The following GRM5 variants were observed in gnomAD, a reference collection of about 807,000 sequenced individuals.
GRM5 encodes the protein metabotropic glutamate receptor 5.
A neutral mutation model predicts 83.1 loss-of-function variants in GRM5; 19 were observed. The ratio of observed to expected loss-of-function variants is 0.23; its 90% CI spans 0.16 to 0.34. GRM5 has a LOEUF of 0.34. Ranked by LOEUF, GRM5 falls within the 10% of genes least tolerant of loss-of-function variation. GRM5 has a pLI of 1.00. For synonymous variants in GRM5, 675 were observed against 633.6 expected (o/e 1.07, Z -0.98); for missense variants, 1,160 against 1,588.3 (o/e 0.73, Z 4.58).
intron 3 of GRM5, among the ~76,000 whole-genome samples, chr11:88,724,767 C>T (rs190959817): frequency 2.6e-5 from 4 of 151,992 alleles, no homozygotes; most frequent in African/African-American, 7.2e-5. Context: ...TGAGCTGAAG[C>T]AGGGTGGGGC....
intron 3 of GRM5, among the ~76,000 whole-genome samples, chr11:88,692,631 C>G (rs1030554501): frequency 3.3e-5 from 5 of 152,208 alleles, no homozygotes; most frequent in African/African-American, 4.8e-5. Context: ...TTCAGAAAAA[C>G]TGTCATGTTC....
At chr11:88,713,996 A>C (rs547980891) in intron 3 of GRM5, among the ~76,000 whole-genome samples, 1 of 152,164 alleles carries the variant, frequency 6.6e-6, no homozygotes, top group South Asian at 2.1e-4. Flanking sequence ...TATGAATCTT[A>C]TGGGCTATAA....
At chr11:88,589,424 G>C (rs1188880995) in intron 7 of GRM5, among the ~76,000 whole-genome samples, 1 of 151,714 alleles carries the variant, frequency 6.6e-6, no homozygotes, top group Non-Finnish European at 1.5e-5. Flanking sequence ...TTTTTTTTAA[G>C]AAAAGGAAAA....
At chr11:88,568,265 T>G (rs182828235) in intron 7 of GRM5, among the ~76,000 whole-genome samples, 124 of 152,180 alleles carry the variant, frequency 8.1e-4, no homozygotes, top group Middle Eastern at 6.8e-3. Flanking sequence ...TAAAAAAAAA[T>G]CAGTGGCCTT....
chr11:89,056,484 T>C (rs1565354673), intron 1 of GRM5, among the ~76,000 whole-genome samples: 1 of 152,298 alleles, frequency 6.6e-6, no homozygotes, highest in Non-Finnish European at 1.5e-5. Flanking sequence ...GTAAAGAGCC[T>C]TTTTTCATTC....
At chr11:89,016,468 A>G (rs1350745041) in intron 2 of GRM5, among the ~76,000 whole-genome samples, 1 of 152,124 alleles carries the variant, frequency 6.6e-6, no homozygotes, top group Non-Finnish European at 1.5e-5. Flanking sequence ...ATAGTCTTAT[A>G]GAAAGAAATT....
At chr11:88,900,169 G>T (rs1350780708) in intron 2 of GRM5, among the ~76,000 whole-genome samples, 1 of 152,032 alleles carries the variant, frequency 6.6e-6, no homozygotes. Context: ...AACCATAAAT[G>T]CAGAACTACA....
At chr11:89,017,092 A>G (rs1253421945) in intron 2 of GRM5, among the ~76,000 whole-genome samples, 1 of 152,182 alleles carries the variant, frequency 6.6e-6, no homozygotes, top group Non-Finnish European at 1.5e-5. Flanking sequence ...AAGCCCTTCC[A>G]AACTTTAACA....
chr11:88,769,250 G>A (rs1476235378), intron 3 of GRM5, among the ~76,000 whole-genome samples: 1 of 152,032 alleles, frequency 6.6e-6, no homozygotes, highest in Admixed American at 6.6e-5. Context: ...TATGGTAATT[G>A]TTTAGACTTG....
Position 89,033,939 on chromosome 11 carries a change from A to G in GRM5, c.661+13273T>C, listed in dbSNP as rs188667524. Reference sequence around the variant, plus strand: ...CAAGAAATATTTGAGATTATGAATCAATTCAGTCAAAGATGTTAAATTTAT... The same window carrying G: ...CAAGAAATATTTGAGATTATGAATCGATTCAGTCAAAGATGTTAAATTTAT... On this transcript the variant is annotated intron_variant, in intron 2 of 9. Coordinates refer to ENST00000305447, the MANE Select transcript of GRM5 (RefSeq NM_001143831.3). Among the ~76,000 whole-genome samples, 221 of 151,992 alleles carry G rather than the reference A, an allele frequency of 1.5e-3. 1 individual carries two copies. Among genetic ancestry groups the G allele is most frequent in the Non-Finnish European group, 2.5e-3 (170 of 67,784 alleles).
chr11:88,950,889 T>C (rs969129764), intron 2 of GRM5, among the ~76,000 whole-genome samples: 3 of 152,230 alleles, frequency 2.0e-5, no homozygotes, highest in African/African-American at 7.2e-5. Flanking sequence ...TCAAGGGAGA[T>C]ACTACTTGTG....
intron 2 of GRM5, among the ~76,000 whole-genome samples, chr11:88,961,483 T>C (rs920207342): frequency 6.6e-6 from 1 of 152,164 alleles, no homozygotes; most frequent in Non-Finnish European, 1.5e-5. Context: ...CCTTGGGCCA[T>C]TCATTCAAAT....
At chr11:88,798,080 T>G (rs1219431760) in intron 3 of GRM5, among the ~76,000 whole-genome samples, 1 of 152,162 alleles carries the variant, frequency 6.6e-6, no homozygotes, top group East Asian at 1.9e-4. Flanking sequence ...TCCTTTCTCT[T>G]AGCAAATAGC....
chr11:88,578,641 C>T lies in GRM5; in HGVS notation c.1691-10649G>A, dbSNP rs186772877. On this transcript the variant is annotated intron_variant, in intron 7 of 9. Transcript: ENST00000305447. ...TTCAGCCCTTTTTTTCTTCTTTAGT[C>T]AGTGGCGTTTACAAGTTTAAATATA... is the stretch of plus-strand genomic sequence containing the variant. Among the ~76,000 whole-genome samples the T allele has an allele frequency of 6.8e-4, 103 of 152,204 alleles. 1 individual carries two copies. Among genetic ancestry groups the T allele is most frequent in the Middle Eastern group, 3.4e-3 (1 of 294 alleles).
intron 8 of GRM5, among the ~76,000 whole-genome samples, chr11:88,539,804 AT>A (rs144437971): frequency 0.012 from 1,797 of 152,316 alleles, 36 homozygotes; most frequent in African/African-American, 0.042. Context: ...GGATTTGAAA[AT>A]GATGTAGAGA....
chr11:88,536,361 TG>T (rs1233804231), intron 8 of GRM5, among the ~76,000 whole-genome samples: 3 of 152,232 alleles, frequency 2.0e-5, no homozygotes, highest in African/African-American at 7.2e-5. Flanking sequence ...CAAGTAATCC[TG>T]GCTCAACTCA....
intron 3 of GRM5, among the ~76,000 whole-genome samples, chr11:88,844,363 C>G (rs1944260809): frequency 8.7e-6 from 1 of 115,330 alleles, no homozygotes; most frequent in Non-Finnish European, 1.6e-5. Context: ...TTACTACACA[C>G]ACACACACAC....
At chr11:88,573,034 A>G (rs1943036693) in intron 7 of GRM5, among the ~76,000 whole-genome samples, 1 of 152,202 alleles carries the variant, frequency 6.6e-6, no homozygotes, top group South Asian at 2.1e-4. Context: ...CATGGATTAG[A>G]AAACTGCGGT....
At chr11:89,057,494 A>C (rs1941904005) in intron 1 of GRM5, among the ~76,000 whole-genome samples, 1 of 152,176 alleles carries the variant, frequency 6.6e-6, no homozygotes, top group Admixed American at 6.5e-5. Context: ...GAAATCTGTA[A>C]TTTTATCCAT....
Sources: gnomAD v4.1 joint callset for allele counts (sites outside exome capture counted in the v4.1 genomes callset) on GRCh38, gnomAD v4.1.1 for gene constraint, MANE v1.5 for transcripts, NCBI Gene and HGNC (gene_info 2026-07-23, HGNC 2026-07-21) for gene names.